The following SPOPL variants were observed in gnomAD, a reference collection of about 807,000 sequenced individuals.
SPOPL encodes speckle-type POZ protein-like.
Under a neutral mutation model 53.8 loss-of-function variants are expected in SPOPL, and 23 were observed. The ratio of observed to expected loss-of-function variants is 0.43; its 90% CI spans 0.31 to 0.61. SPOPL has a LOEUF of 0.61. Ranked by LOEUF, SPOPL falls within the 20% of genes least tolerant of loss-of-function variation. SPOPL has a pLI of 0.12. For missense variants in SPOPL, 442 were observed against 466.9 expected, an observed-to-expected ratio of 0.95 and a Z score of 0.49; for synonymous variants, 164 against 149.7, an observed-to-expected ratio of 1.10 and a Z score of -0.70.
intron 5 of SPOPL, among the ~76,000 whole-genome samples, chr2:138,555,744 T>A (rs1685410561): frequency 6.6e-6 from 1 of 152,202 alleles, no homozygotes; most frequent in Admixed American, 6.5e-5. Flanking sequence ...TAGTCACAGA[T>A]TAGATCCCTC....
chr2:138,515,911 A>G (rs1436180399), intron 1 of SPOPL, among the ~76,000 whole-genome samples: 2 of 152,218 alleles, frequency 1.3e-5, no homozygotes, highest in South Asian at 2.1e-4. Flanking sequence ...TGTGCTCTAC[A>G]TATTCAAAAG....
chr2:138,572,060 T>TG lies in SPOPL; in HGVS notation c.*2984dup, dbSNP rs1455989103. 3.9e-5 allele frequency: 6 copies of TG among 152,474 alleles called. No individual in the cohort carries two copies. In the South Asian group the frequency reaches 8.3e-4, roughly 21 times the overall value. The allele number at this position is 152,474 out of a possible 1,614,324, so 9.4% of individuals were successfully genotyped here. On this transcript the variant is annotated 3_prime_UTR_variant, in exon 11 of 11. Transcript: ENST00000280098. ...GTTTGTGTACATACCTGTATTTGCT[T>TG]GGGGCTTGTGTGTGGTATGTTACAA...
Position 138,504,391 on chromosome 2 carries a change from A to G in SPOPL, c.-61+2272A>G, listed in dbSNP as rs551837229. ...TAGTTTCTTGGCTTTCCTAATGTCT[A>G]TATCTGCATTTTTGGCCATGAATTT... On this transcript the variant is annotated intron_variant, in intron 1 of 10. Coordinates refer to ENST00000280098, the MANE Select transcript of SPOPL (RefSeq NM_001001664.3). Among the ~76,000 whole-genome samples the G allele has an allele frequency of 2.0e-5, 3 of 152,274 alleles. No individual in the cohort carries two copies. The East Asian group carries it at 5.8e-4, about 29-fold the overall frequency.
rs573664162 is a variant in SPOPL, at chr2:138,565,855, TCCCAAGTAGCTGGAACTACAGGC to T, written c.1034+863_1034+885del. Among the ~76,000 whole-genome samples, 234 of 151,878 alleles carry T rather than the reference TCCCAAGTAGCTGGAACTACAGGC, an allele frequency of 1.5e-3. 1 individual carries two copies. Among genetic ancestry groups the T allele is most frequent in the African/African-American group, 5.3e-3 (221 of 41,378 alleles). ...TTCACGCCATTCTCCTGCCTCAGCC[TCCCAAGTAGCTGGAACTACAGGC>T]GCCCGCCACCACACCTGGCTCATTT... On this transcript the variant is annotated intron_variant, in intron 10 of 10. Coordinates refer to ENST00000280098, the MANE Select transcript of SPOPL (RefSeq NM_001001664.3).
At chr2:138,548,254 T>C (rs1332921180) in intron 1 of SPOPL, among the ~76,000 whole-genome samples, 9 of 151,148 alleles carry the variant, frequency 6.0e-5, no homozygotes, top group African/African-American at 9.7e-5. Context: ...TTTTTTTTTT[T>C]TTTTTGGTAA....
At chr2:138,553,769 A>G (rs1224547010) in intron 5 of SPOPL, among the ~76,000 whole-genome samples, 3 of 152,172 alleles carry the variant, frequency 2.0e-5, no homozygotes, top group African/African-American at 4.8e-5. Flanking sequence ...TTGGTTGACA[A>G]ACACATAGCA....
chr2:138,565,961 C>T (rs892995826), intron 10 of SPOPL, among the ~76,000 whole-genome samples: 14 of 152,068 alleles, frequency 9.2e-5, no homozygotes, highest in Admixed American at 7.2e-4. Flanking sequence ...GTCTCGATCT[C>T]CTGACCTCAT....
At chr2:138,539,272 G>A (rs1383356453) in intron 1 of SPOPL, among the ~76,000 whole-genome samples, 1 of 152,172 alleles carries the variant, frequency 6.6e-6, no homozygotes, top group Non-Finnish European at 1.5e-5. Context: ...CCCAGTAATG[G>A]GATGGCTGGG....
In SPOPL at chr2:138,569,314, G is replaced by A. The variant is rs1685730953; in HGVS notation, c.*234G>A. 1.6e-5 allele frequency: 7 copies of A among 426,492 alleles called. No homozygotes were observed. The Admixed American group carries it at 2.8e-4, about 17-fold the overall frequency. 26.4% of individuals were successfully genotyped at this position (426,492 alleles called of 1,614,324 possible). ...TAAATTATCTTCAATGACTTGTCTT[G>A]TTCATATAATACTTTAATTTTTTTT... On this transcript the variant is annotated 3_prime_UTR_variant, in exon 11 of 11. Transcript: ENST00000280098.
At chr2:138,527,621 A>T (rs1488589669) in intron 1 of SPOPL, among the ~76,000 whole-genome samples, 1 of 152,196 alleles carries the variant, frequency 6.6e-6, no homozygotes, top group African/African-American at 2.4e-5. Flanking sequence ...TATACCATTC[A>T]GTCCCCTGAA....
At chr2:138,506,488 A>T (rs1684218318) in intron 1 of SPOPL, among the ~76,000 whole-genome samples, 1 of 152,206 alleles carries the variant, frequency 6.6e-6, no homozygotes, top group Non-Finnish European at 1.5e-5. Context: ...GCAGTGATAG[A>T]GATAAACTAG....
At chr2:138,538,742 C>G (rs1400637408) in intron 1 of SPOPL, among the ~76,000 whole-genome samples, 1 of 144,490 alleles carries the variant, frequency 6.9e-6, no homozygotes, top group Non-Finnish European at 1.5e-5. Flanking sequence ...TAGCTGTTTT[C>G]TTTTTTTTTT....
intron 1 of SPOPL, among the ~76,000 whole-genome samples, chr2:138,540,777 A>G (rs1351814953): frequency 6.6e-6 from 1 of 152,110 alleles, no homozygotes; most frequent in Admixed American, 6.5e-5. Context: ...TTCCAACACT[A>G]TGTTGAATAG....
intron 5 of SPOPL, among the ~76,000 whole-genome samples, chr2:138,556,916 G>A (rs147403804): frequency 0.011 from 1,651 of 152,292 alleles, 33 homozygotes; most frequent in African/African-American, 0.037. Flanking sequence ...CAGCACTTTG[G>A]GAGGCTGAGG....
intron 10 of SPOPL, among the ~76,000 whole-genome samples, chr2:138,568,497 G>A (rs1490072398): frequency 1.3e-5 from 2 of 152,130 alleles, no homozygotes; most frequent in Non-Finnish European, 1.5e-5. Context: ...TTAGCAAATC[G>A]GTAGTTAACA....
At chr2:138,512,217 T>C (rs1467163399) in intron 1 of SPOPL, among the ~76,000 whole-genome samples, 4 of 152,218 alleles carry the variant, frequency 2.6e-5, no homozygotes, top group African/African-American at 9.6e-5. Flanking sequence ...AAAATTAATG[T>C]AAGATTGCAG....
chr2:138,536,346 C>CCACACA (rs757753670), intron 1 of SPOPL, among the ~76,000 whole-genome samples: 4 of 151,312 alleles, frequency 2.6e-5, no homozygotes, highest in African/African-American at 9.8e-5. Flanking sequence ...TGCCCCCCCC[C>CCACACA]CACACACACA....
chr2:138,566,109 TGTTAA>T (rs1008168365), intron 10 of SPOPL, among the ~76,000 whole-genome samples: 101 of 152,338 alleles, frequency 6.6e-4, no homozygotes, highest in African/African-American at 2.4e-3. Context: ...TTTTGATATA[TGTTAA>T]GTTGTTTAAC....
chr2:138,570,521 T>TG lies in SPOPL; in HGVS notation c.*1445dup, dbSNP rs1285779930. On this transcript the variant is annotated 3_prime_UTR_variant, in exon 11 of 11. Coordinates refer to ENST00000280098, the MANE Select transcript of SPOPL (RefSeq NM_001001664.3). ...CTGGAGAAGCAGAAGCAGTCAGTGT[T>TG]GGGGTACCACATCTGACTTACTGTG... 1 of 152,168 alleles carries TG rather than the reference T, an allele frequency of 6.6e-6. No individual in the cohort carries two copies. Among genetic ancestry groups the TG allele is most frequent in the African/African-American group, 2.4e-5 (1 of 41,450 alleles). 9.4% of individuals were successfully genotyped at this position (152,168 alleles called of 1,614,324 possible). A position where few individuals can be genotyped will look rare whatever the true frequency, so the allele number is the denominator to read the frequency against.
Sources: gnomAD v4.1 joint callset for allele counts (sites outside exome capture counted in the v4.1 genomes callset) on GRCh38, gnomAD v4.1.1 for gene constraint, MANE v1.5 for transcripts, NCBI Gene and HGNC (gene_info 2026-07-23, HGNC 2026-07-21) for gene names.